The following MYO18A variants were observed in gnomAD, a reference collection of about 807,000 sequenced individuals.
The protein encoded by MYO18A is unconventional myosin-XVIIIa.
Under a neutral mutation model 235.8 loss-of-function variants are expected in MYO18A, and 78 were observed. That is an observed-to-expected ratio of 0.33 (90% CI 0.28 to 0.40). The LOEUF is 0.40. MYO18A is among the 10% of genes least tolerant of loss of function. The pLI, the probability that MYO18A is intolerant of heterozygous loss-of-function variation, is 1.00. For synonymous variants in MYO18A, 977 were observed against 1,077.8 expected (o/e 0.91, Z 1.83); for missense variants, 2,215 against 2,699.3 (o/e 0.82, Z 3.98).
At chr17:29,099,603 G>C in intron 22 of MYO18A, 31 bp downstream of exon 22, 1 of 1,605,170 alleles carries the variant, frequency 6.2e-7, no homozygotes, top group Non-Finnish European at 8.5e-7. Context: ...ATCTAGGTTG[G>C]GGAGGGGGAG....
intron 2 of MYO18A, among the ~76,000 whole-genome samples, chr17:29,123,056 AG>A (rs2067238629): frequency 6.6e-6 from 1 of 152,352 alleles, no homozygotes; most frequent in South Asian, 2.1e-4. Context: ...AGATGGGCAC[AG>A]GAGTGGTGTA....
At chr17:29,139,388 G>A (rs909757449) in intron 2 of MYO18A, among the ~76,000 whole-genome samples, 1 of 152,082 alleles carries the variant, frequency 6.6e-6, no homozygotes, top group Non-Finnish European at 1.5e-5. Context: ...ACCAGGAAGC[G>A]CCCATCTCTC....
chr17:29,101,605 C>T (rs538186749), intron 21 of MYO18A, among the ~76,000 whole-genome samples: 1 of 152,302 alleles, frequency 6.6e-6, no homozygotes, highest in African/African-American at 2.4e-5. Flanking sequence ...CCACGCCTGG[C>T]CCCCAGCTGC....
intron 7 of MYO18A, among the ~76,000 whole-genome samples, chr17:29,119,827 G>T (rs1167034771): frequency 2.0e-5 from 3 of 151,916 alleles, no homozygotes; most frequent in Non-Finnish European, 4.4e-5. Context: ...GCCTCCCGAA[G>T]TGCTGGGATT....
intron 17 of MYO18A, 146 bp from the exon 18 acceptor site, chr17:29,110,768 C>T: frequency 1.2e-6 from 1 of 800,022 alleles, no homozygotes; most frequent in Non-Finnish European, 1.9e-6. Flanking sequence ...TGCCCCACAC[C>T]CTACAGAGAA....
rs2066935183 is a variant in MYO18A at position 29,111,808 on chromosome 17, T to A, written c.2654A>T (p.Glu885Val). The A allele has an allele frequency of 6.2e-7, 1 of 1,613,814 alleles. No homozygotes were observed. Among genetic ancestry groups the A allele is most frequent in the Admixed American group, 1.7e-5 (1 of 60,010 alleles). The part of the protein sequence containing the change: ...EARGLLWLLE[E>V]EALVPGASED... ...ACTGGCCCCTGGCACCAGAGCCTCC[T>A]CTTCCAATAGCCAGAGCAGGCCCCT... The change falls in exon 16 of 42, where the codon GAG becomes GTG. Residue 885 changes from glutamate to valine, a missense_variant. Transcript: ENST00000527372. The surrounding 1 kb of genome is among the most constrained non-coding windows in gnomAD (Gnocchi z 5.1).
intron 1 of MYO18A, among the ~76,000 whole-genome samples, chr17:29,173,125 G>A (rs1211389238): frequency 2.0e-5 from 3 of 148,082 alleles, no homozygotes; most frequent in Admixed American, 1.3e-4. Context: ...ACGGAGTTTC[G>A]CTCTTGTTGC....
chr17:29,130,256 C>T (rs1440437182), intron 2 of MYO18A, among the ~76,000 whole-genome samples: 6 of 133,400 alleles, frequency 4.5e-5, no homozygotes, highest in Non-Finnish European at 9.1e-5. Flanking sequence ...GCTGAGATGG[C>T]ACCACTGCAT....
chr17:29,116,562 G>C (rs766424668), intron 10 of MYO18A, 107 bp from the exon 11 acceptor site: 5 of 1,294,278 alleles, frequency 3.9e-6, no homozygotes, highest in Non-Finnish European at 5.6e-6. Flanking sequence ...CGGGGGTGTT[G>C]TGAGGATGAG....
chr17:29,179,222 A>G (rs2068595187), intron 1 of MYO18A, among the ~76,000 whole-genome samples: 1 of 152,140 alleles, frequency 6.6e-6, no homozygotes, highest in Non-Finnish European at 1.5e-5. Flanking sequence ...GGCAAAATGA[A>G]TACCCGCTCA....
At chr17:29,176,015 G>C (rs950755585) in intron 1 of MYO18A, among the ~76,000 whole-genome samples, 2 of 152,100 alleles carry the variant, frequency 1.3e-5, no homozygotes, top group Admixed American at 6.5e-5. Flanking sequence ...CCAAGATTGC[G>C]CCACTGCACT....
chr17:29,093,388 C>T lies in MYO18A; in HGVS notation c.4861G>A (p.Asp1621Asn), dbSNP rs749758384. The change falls in exon 32 of 42, where the codon GAC becomes AAC. Residue 1621 changes from aspartate to asparagine, a missense_variant. By Grantham distance (23) the Asp-to-Asn change is conservative. Transcript: ENST00000527372. Reference sequence around the variant, plus strand: ...TTCTCTCGCAGAACCTTCTGCTTGTCCTCATACTCTTCCTCTAGCTGCACC... The same window carrying T: ...TTCTCTCGCAGAACCTTCTGCTTGTTCTCATACTCTTCCTCTAGCTGCACC... ...MEVQLEEEYEDKQKVLREKRE... is the reference protein window; with the variant it reads ...MEVQLEEEYENKQKVLREKRE... The T allele has an allele frequency of 6.2e-7, 1 of 1,612,384 alleles. No homozygotes were observed. The highest frequency in any genetic ancestry group is 8.5e-7 in the Non-Finnish European group (1 of 1,179,818).
chr17:29,079,769 G>A lies in MYO18A; in HGVS notation c.6020+2547C>T, dbSNP rs754523469. On this transcript the variant is annotated intron_variant, in intron 41 of 41. Transcript: ENST00000527372. ...GGCCGGTACAGGTACCGCATCATCA[G>A]GCTGTCCACCTCTTTCTTGCGCTTC... 6.2e-4 allele frequency: 609 copies of A among 985,992 alleles called. 2 individuals are homozygous for A. The highest frequency in any genetic ancestry group is 4.0e-4 in the Non-Finnish European group (334 of 830,112). 61.1% of individuals were successfully genotyped at this position (985,992 alleles called of 1,614,324 possible). A position where few individuals can be genotyped will look rare whatever the true frequency, so the allele number is the denominator to read the frequency against.
At chr17:29,134,228 G>A (rs535803610) in intron 2 of MYO18A, among the ~76,000 whole-genome samples, 9 of 151,960 alleles carry the variant, frequency 5.9e-5, no homozygotes, top group African/African-American at 1.9e-4. Context: ...CAGCCTCCCC[G>A]GCACCAACAC....
intron 1 of MYO18A, among the ~76,000 whole-genome samples, chr17:29,179,963 C>A (rs1249874321): frequency 1.3e-5 from 2 of 151,962 alleles, no homozygotes; most frequent in African/African-American, 2.4e-5. Flanking sequence ...GAGGCTGCAG[C>A]CCCCACCCCG....
intron 41 of MYO18A, chr17:29,080,225 G>A (rs1454810004): frequency 3.0e-6 from 3 of 985,868 alleles, no homozygotes; most frequent in East Asian, 2.3e-4. Context: ...AGGCTGCTCC[G>A]CTGGAATGGA....
In MYO18A at chr17:29,116,434, A is replaced by G. The variant is rs769496261; in HGVS notation, c.2050+10T>C. 1.5e-5 allele frequency: 25 copies of G among 1,613,854 alleles called. No homozygotes were observed. The highest frequency in any genetic ancestry group is 1.6e-4 in the Middle Eastern group (1 of 6,084). Reference sequence around the variant, plus strand: ...CAATTAGGGAAAGCTAACAAGAAACAAGGTTTTACCTTCAGCAGCTTCTGT... The same window carrying G: ...CAATTAGGGAAAGCTAACAAGAAACGAGGTTTTACCTTCAGCAGCTTCTGT... On this transcript the variant is annotated intron_variant, in intron 11 of 41. Transcript: ENST00000527372.
At chr17:29,088,402 A>G (rs2066312993) in intron 37 of MYO18A, among the ~76,000 whole-genome samples, 1 of 152,118 alleles carries the variant, frequency 6.6e-6, no homozygotes, top group Admixed American at 6.6e-5. Context: ...TCTCCTGAGA[A>G]CTGTGACCCC....
chr17:29,163,632 G>T (rs528358848), intron 2 of MYO18A, among the ~76,000 whole-genome samples: 2 of 152,312 alleles, frequency 1.3e-5, no homozygotes, highest in African/African-American at 4.8e-5. Flanking sequence ...ACTTCCCCAG[G>T]GATGGGATAG....
Sources: allele counts gnomAD v4.1 joint callset (sites outside exome capture counted in the v4.1 genomes callset), GRCh38; gene constraint gnomAD v4.1.1; non-coding constraint Gnocchi (gnomAD v3.1); transcripts MANE v1.5; gene names NCBI Gene and HGNC (gene_info 2026-07-23, HGNC 2026-07-21).